ARMC9: variants seen among roughly 807,000 people sequenced by gnomAD.
ARMC9 encodes the protein armadillo repeat containing 9.
A neutral mutation model predicts 107.0 loss-of-function variants in ARMC9; 94 were observed. The observed-to-expected ratio is 0.88, with a 90% CI of 0.74 to 1.04. The LOEUF (loss-of-function observed/expected upper bound fraction) is 1.04, where lower values mean the gene tolerates loss of function less well. Among genes scored for constraint, ARMC9 ranks in the 50% least tolerant of loss-of-function variants. The pLI is 0.00. For missense variants in ARMC9, 942 were observed against 1,030.1 expected, an observed-to-expected ratio of 0.91 and a Z score of 1.17; for synonymous variants, 380 against 396.9, an observed-to-expected ratio of 0.96 and a Z score of 0.51.
intron 14 of ARMC9, among the ~76,000 whole-genome samples, chr2:231,274,645 A>G (rs2039613487): frequency 6.6e-6 from 1 of 151,874 alleles, no homozygotes; most frequent in African/African-American, 2.4e-5. Flanking sequence ...TTTCTTGAGA[A>G]CTCTAGTCCC....
chr2:231,207,695 C>T (rs1417165366), intron 2 of ARMC9, among the ~76,000 whole-genome samples: 1 of 152,056 alleles, frequency 6.6e-6, no homozygotes, highest in African/African-American at 2.4e-5. Context: ...AGGCTGGTCT[C>T]GAATTCCTGA....
intron 22 of ARMC9, among the ~76,000 whole-genome samples, chr2:231,356,908 A>C (rs58951316): frequency 0.061 from 9,325 of 152,184 alleles, 940 homozygotes; most frequent in African/African-American, 0.21. Context: ...AAAACATTTC[A>C]AGTTCTTAGG....
At chr2:231,351,249 G>A (rs921943521) in intron 21 of ARMC9, among the ~76,000 whole-genome samples, 12 of 150,926 alleles carry the variant, frequency 8.0e-5, no homozygotes, top group East Asian at 1.9e-4. Context: ...CACTGCACCC[G>A]GCCACAAAGT....
intron 7 of ARMC9, among the ~76,000 whole-genome samples, chr2:231,229,550 G>A (rs2035010806): frequency 6.6e-6 from 1 of 152,156 alleles, no homozygotes; most frequent in Admixed American, 6.6e-5. Flanking sequence ...TATAGAAATA[G>A]TATCTTTTGG....
intron 21 of ARMC9, among the ~76,000 whole-genome samples, chr2:231,345,961 G>A (rs1008416301): frequency 6.6e-6 from 1 of 152,168 alleles, no homozygotes; most frequent in Non-Finnish European, 1.5e-5. Flanking sequence ...GCTCTGTGCT[G>A]CCACGGACAC....
chr2:231,201,465 T>C (rs370306125), intron 1 of ARMC9, among the ~76,000 whole-genome samples: 34 of 152,236 alleles, frequency 2.2e-4, no homozygotes, highest in African/African-American at 8.2e-4. Context: ...CCTCCTTACT[T>C]GCAGGCGTCT....
chr2:231,206,093 G>C (rs775598451), intron 1 of ARMC9, 105 bp from the exon 2 acceptor site: 4 of 715,266 alleles, frequency 5.6e-6, no homozygotes, highest in Non-Finnish European at 1.0e-5. Flanking sequence ...GGGGATTGGC[G>C]CATGGATGTC....
At chr2:231,206,074 A>T (rs1345734075) in intron 1 of ARMC9, 124 bp from the exon 2 acceptor site, 2 of 671,786 alleles carry the variant, frequency 3.0e-6, no homozygotes, top group Non-Finnish European at 5.3e-6. Context: ...TCACGTATTC[A>T]CAGGTTCTGG....
chr2:231,340,134 A>C (rs2044407349), intron 20 of ARMC9, among the ~76,000 whole-genome samples: 1 of 152,236 alleles, frequency 6.6e-6, no homozygotes, highest in Non-Finnish European at 1.5e-5. Context: ...AAATGCTTTT[A>C]AACTAGGTTG....
chr2:231,206,326 CA>C, intron 2 of ARMC9, 37 bp downstream of exon 2: 7 of 1,566,450 alleles, frequency 4.5e-6, no homozygotes, highest in Non-Finnish European at 6.1e-6. Flanking sequence ...CACAGAGAAA[CA>C]GATCTTGAAA....
At chr2:231,285,549 G>A (rs2040527264) in intron 17 of ARMC9, among the ~76,000 whole-genome samples, 2 of 152,014 alleles carry the variant, frequency 1.3e-5, no homozygotes, top group African/African-American at 4.8e-5. Context: ...GGGAGGCTGA[G>A]GCAGGAGAAT....
At chr2:231,244,115 C>CT (rs1024489605) in intron 9 of ARMC9, among the ~76,000 whole-genome samples, 9 of 152,186 alleles carry the variant, frequency 5.9e-5, no homozygotes, top group Admixed American at 2.0e-4. Flanking sequence ...GGGCTGGGCC[C>CT]TTTCACAAAA....
chr2:231,297,486 A>G lies in ARMC9; in HGVS notation c.1773+1233A>G, dbSNP rs913426693. On this transcript the variant is annotated intron_variant, in intron 19 of 24. Coordinates refer to ENST00000611582, the MANE Select transcript of ARMC9 (RefSeq NM_001352754.2). The surrounding 1 kb of genome is among the most constrained non-coding windows in gnomAD (Gnocchi z 4.2). ...TGCAGGCCACACAGTCTCTGTTCCA[A>G]CCACTCAATTCTGCCATTGTAACAC... is the stretch of plus-strand genomic sequence containing the variant. Among the ~76,000 whole-genome samples the G allele has an allele frequency of 2.6e-5, 4 of 152,216 alleles. No individual in the cohort carries two copies. The highest frequency in any genetic ancestry group is 4.8e-5 in the African/African-American group (2 of 41,454).
Position 231,282,061 on chromosome 2 carries a change from A to G in ARMC9, c.1554A>G (p.Ile518Met). 1 of 1,614,076 alleles carries G rather than the reference A, an allele frequency of 6.2e-7. No individual in the cohort carries two copies. Among genetic ancestry groups the G allele is most frequent in the Non-Finnish European group, 8.5e-7 (1 of 1,179,932 alleles). The change falls in exon 17 of 25, where the codon ATA (isoleucine) becomes ATG (methionine). Residue 518 changes from isoleucine (I) to methionine (M), a missense_variant and splice_region_variant. Transcript: ENST00000611582. ...SDLLGHENHE[I>M]QPYVNGALYS... ...TGGTTTTTTTCCTCCCCTTAAAGAT[A>G]CAGCCGTATGTGAATGGAGCTCTGT...
At chr2:231,323,517 A>G (rs1347077205) in intron 19 of ARMC9, among the ~76,000 whole-genome samples, 1 of 152,032 alleles carries the variant, frequency 6.6e-6, no homozygotes, top group African/African-American at 2.4e-5. Flanking sequence ...TTCCCACCTC[A>G]ACTAGCGCAG....
chr2:231,348,409 CCATAATT>C (rs1419056055), intron 21 of ARMC9, among the ~76,000 whole-genome samples: 2 of 152,194 alleles, frequency 1.3e-5, no homozygotes, highest in East Asian at 3.8e-4. Flanking sequence ...CTCTTGACCT[CCATAATT>C]ATGAGACAAG....
At chr2:231,328,823 T>TC (rs1237837272) in intron 19 of ARMC9, among the ~76,000 whole-genome samples, 4 of 136,174 alleles carry the variant, frequency 2.9e-5, no homozygotes, top group African/African-American at 1.1e-4. Flanking sequence ...TCTTTTCTTT[T>TC]TTTTTTTTTG....
At chr2:231,291,801 C>G (rs1453419673) in intron 18 of ARMC9, among the ~76,000 whole-genome samples, 1 of 146,672 alleles carries the variant, frequency 6.8e-6, no homozygotes. Flanking sequence ...GGTGACAGAG[C>G]GAGACTCCAT....
intron 23 of ARMC9, among the ~76,000 whole-genome samples, 186 bp downstream of exon 23, chr2:231,361,069 A>T (rs1000960841): frequency 6.6e-6 from 1 of 152,210 alleles, no homozygotes; most frequent in Non-Finnish European, 1.5e-5. Context: ...ACCACCTCGG[A>T]GGGCTGTGCT....
Sources: gnomAD v4.1 joint callset for allele counts (sites outside exome capture counted in the v4.1 genomes callset) on GRCh38, gnomAD v4.1.1 for gene constraint, Gnocchi (gnomAD v3.1) non-coding constraint, MANE v1.5 for transcripts, NCBI Gene and HGNC (gene_info 2026-07-23, HGNC 2026-07-21) for gene names.